The following PSD3 variants were observed in gnomAD, a reference collection of about 807,000 sequenced individuals.
PSD3 encodes the protein PH and SEC7 domain-containing protein 3.
A neutral mutation model predicts 105.5 loss-of-function variants in PSD3; 49 were observed. The ratio of observed to expected loss-of-function variants is 0.46; its 90% CI spans 0.37 to 0.59. PSD3 has a LOEUF of 0.59. Ranked by LOEUF, PSD3 falls within the 20% of genes least tolerant of loss-of-function variation. The pLI is 0.00. For synonymous variants in PSD3, 557 were observed against 457.8 expected (o/e 1.22, Z -2.77); for missense variants, 1,561 against 1,263.8 (o/e 1.24, Z -3.57).
intron 9 of PSD3, among the ~76,000 whole-genome samples, chr8:18,666,285 A>C (rs1799448216): frequency 1.3e-5 from 2 of 152,242 alleles, no homozygotes; most frequent in South Asian, 4.1e-4. Context: ...TCCTGACCTC[A>C]GGTGATCCGC....
intron 14 of PSD3, among the ~76,000 whole-genome samples, chr8:18,566,022 T>C (rs1325265475): frequency 6.6e-6 from 1 of 152,134 alleles, no homozygotes; most frequent in East Asian, 1.9e-4. Flanking sequence ...AGAGCTAGTC[T>C]TTGAGGTACT....
chr8:18,656,185 G>A (rs774729439), intron 9 of PSD3, among the ~76,000 whole-genome samples: 135 of 152,160 alleles, frequency 8.9e-4, no homozygotes, highest in Admixed American at 2.4e-3. Flanking sequence ...AGCCTCCCGA[G>A]TAGCTGGGAT....
At chr8:18,748,932 A>G (rs1805252370) in intron 9 of PSD3, among the ~76,000 whole-genome samples, 1 of 152,336 alleles carries the variant, frequency 6.6e-6, no homozygotes, top group Non-Finnish European at 1.5e-5. Context: ...TTGTATCAGT[A>G]GATATGGAGC....
At chr8:18,740,092 A>C (rs547595911) in intron 9 of PSD3, among the ~76,000 whole-genome samples, 111 of 152,322 alleles carry the variant, frequency 7.3e-4, no homozygotes, top group African/African-American at 2.5e-3. Context: ...GCCAGCCTCC[A>C]CGAGCAGGAG....
At chr8:19,055,934 C>T (rs1828695575) in intron 1 of PSD3, among the ~76,000 whole-genome samples, 1 of 152,180 alleles carries the variant, frequency 6.6e-6, no homozygotes, top group South Asian at 2.1e-4. Flanking sequence ...CACTACTTTC[C>T]CAGGTTATCT....
chr8:18,782,369 T>C (rs890418896), intron 8 of PSD3, among the ~76,000 whole-genome samples: 2 of 152,096 alleles, frequency 1.3e-5, no homozygotes, highest in Non-Finnish European at 2.9e-5. Context: ...GTTGTTTGGG[T>C]AAGGCGTTTT....
chr8:19,048,322 T>C (rs558336229), intron 1 of PSD3, among the ~76,000 whole-genome samples: 30 of 152,306 alleles, frequency 2.0e-4, no homozygotes, highest in Non-Finnish European at 3.8e-4. Flanking sequence ...CTAAAGATGT[T>C]TTTTATGGGA....
intron 3 of PSD3, among the ~76,000 whole-genome samples, chr8:18,870,252 A>C (rs1285676662): frequency 6.6e-6 from 1 of 152,184 alleles, no homozygotes; most frequent in South Asian, 2.1e-4. Flanking sequence ...AAACTATAAA[A>C]TGTGGTGTCA....
Position 18,765,499 on chromosome 8 carries a change from T to G in PSD3, c.2122A>C (p.Asn708His). ...ACACCCTCATTTACCCCTTGCAGAT[T>G]TGCAATGAACTCCTGACAGGTCATC... ...KKMTCQEFIA[N>H]LQGVNEGVDF... Residue 708 changes from asparagine (N) to histidine (H), a missense_variant, in exon 9 of 16, where the codon AAT becomes CAT. By Grantham distance (68) the Asn-to-His change is moderately conservative. Coordinates refer to ENST00000327040, the MANE Select transcript of PSD3 (RefSeq NM_015310.4). The G allele has an allele frequency of 6.2e-7, 1 of 1,613,158 alleles. No individual in the cohort carries two copies. Among genetic ancestry groups the G allele is most frequent in the Non-Finnish European group, 8.5e-7 (1 of 1,179,108 alleles).
chr8:18,688,199 T>C (rs941656250), intron 9 of PSD3, among the ~76,000 whole-genome samples: 1 of 152,196 alleles, frequency 6.6e-6, no homozygotes, highest in Non-Finnish European at 1.5e-5. Flanking sequence ...TCCTCATGCC[T>C]GAGCCTCCTG....
chr8:18,889,942 A>G (rs1276049050), intron 2 of PSD3, among the ~76,000 whole-genome samples: 1 of 152,188 alleles, frequency 6.6e-6, no homozygotes, highest in Admixed American at 6.5e-5. Context: ...TAGGTAATAA[A>G]TTTTTATTTG....
At chr8:18,997,219 C>T (rs1826130362) in intron 1 of PSD3, among the ~76,000 whole-genome samples, 1 of 151,902 alleles carries the variant, frequency 6.6e-6, no homozygotes, top group Admixed American at 6.5e-5. Context: ...TATCCACCTG[C>T]CTACCAGACA....
intron 13 of PSD3, among the ~76,000 whole-genome samples, chr8:18,573,951 T>C (rs1410298452): frequency 2.0e-5 from 3 of 152,176 alleles, no homozygotes; most frequent in Non-Finnish European, 4.4e-5. Context: ...ACGTAAAGCA[T>C]ACCTCAATAA....
intron 14 of PSD3, among the ~76,000 whole-genome samples, chr8:18,558,954 C>A (rs984992535): frequency 6.6e-6 from 1 of 152,084 alleles, no homozygotes; most frequent in Admixed American, 6.5e-5. Context: ...CATGTATGCT[C>A]TAGTTCCTGT....
At chr8:18,864,192 C>A (rs1816659402) in intron 4 of PSD3, among the ~76,000 whole-genome samples, 1 of 152,214 alleles carries the variant, frequency 6.6e-6, no homozygotes, top group Non-Finnish European at 1.5e-5. Context: ...ACCACTTGGT[C>A]CAGTTCAGCA....
At chr8:18,888,924 A>C (rs545605247) in intron 2 of PSD3, among the ~76,000 whole-genome samples, 1 of 152,226 alleles carries the variant, frequency 6.6e-6, no homozygotes, top group South Asian at 2.1e-4. Context: ...AGCAGCCCTG[A>C]GGAATTGTGA....
chr8:18,557,735 A>C (rs1046430078), intron 14 of PSD3, among the ~76,000 whole-genome samples: 6 of 152,210 alleles, frequency 3.9e-5, no homozygotes, highest in Admixed American at 1.3e-4. Context: ...GAGATTTTAG[A>C]AAGGCGTCTA....
At chr8:19,074,668 TGGAG>T (rs2129478098) in intron 1 of PSD3, among the ~76,000 whole-genome samples, 1 of 133,068 alleles carries the variant, frequency 7.5e-6, no homozygotes, top group Non-Finnish European at 1.5e-5. Context: ...TGGCCCAGGC[TGGAG>T]TGCAGTGACG....
At chr8:18,947,925 G>C (rs1326818596) in intron 1 of PSD3, among the ~76,000 whole-genome samples, 1 of 152,158 alleles carries the variant, frequency 6.6e-6, no homozygotes, top group Non-Finnish European at 1.5e-5. Flanking sequence ...GTAGGATAGA[G>C]GGATCAAGTC....
Sources: allele counts gnomAD v4.1 joint callset (sites outside exome capture counted in the v4.1 genomes callset), GRCh38; gene constraint gnomAD v4.1.1; transcripts MANE v1.5; gene names NCBI Gene and HGNC (gene_info 2026-07-23, HGNC 2026-07-21).